Variants in IGSF11 observed in about 807,000 individuals in gnomAD.
IGSF11 encodes CXADR like 1.
IGSF11 carries 22 observed loss-of-function variants against 41.0 expected under a neutral mutation model. The ratio of observed to expected loss-of-function variants is 0.54; its 90% CI spans 0.38 to 0.77. The LOEUF is 0.77. Ranked by LOEUF, IGSF11 falls within the 30% of genes least tolerant of loss-of-function variation. The pLI is 0.00. For missense variants in IGSF11, 444 were observed against 530.8 expected, an observed-to-expected ratio of 0.84 and a Z score of 1.61; for synonymous variants, 219 against 201.3, an observed-to-expected ratio of 1.09 and a Z score of -0.74.
rs544130570 is a variant in IGSF11 at position 119,060,732 on chromosome 3, C to T, written c.49+44412G>A. Among the ~76,000 whole-genome samples, 5 of 152,282 alleles carry T rather than the reference C, an allele frequency of 3.3e-5. No homozygotes were observed. In the South Asian group the frequency reaches 1.0e-3, roughly 32 times the overall value. Reference sequence around the variant, plus strand: ...GTCTCTATGGCCAGTGTTCTTTCCACTATATGCAGATACCTCCATTTGAAT... The same window carrying T: ...GTCTCTATGGCCAGTGTTCTTTCCATTATATGCAGATACCTCCATTTGAAT... On this transcript the variant is annotated intron_variant, in intron 1 of 6. Transcript: ENST00000354673.
At position 119,003,987 on chromosome 3, in the gene IGSF11, T is replaced by C. The variant is rs550395700; in HGVS notation, c.52+30544A>G. Among the ~76,000 whole-genome samples, 27 of 152,104 alleles carry C rather than the reference T, an allele frequency of 1.8e-4. No individual in the cohort carries two copies. The South Asian group carries it at 3.7e-3, about 21-fold the overall frequency. On this transcript the variant is annotated intron_variant, in intron 1 of 6. Transcript: ENST00000393775. The stretch of plus-strand genomic sequence containing the variant: ...ATGATGTTGGCCTCATAAAATGAGT[T>C]AGGGAGGATTCCCTCTTTTTTTATT...
In IGSF11 at chr3:119,097,542, G is replaced by A. The variant is rs377510622; in HGVS notation, c.49+7602C>T. 3.4e-4 allele frequency among the ~76,000 whole-genome samples: 52 copies of A among 152,048 alleles called. No homozygotes were observed. In the East Asian group the frequency reaches 3.5e-3, roughly 10 times the overall value. On this transcript the variant is annotated intron_variant, in intron 1 of 6. Coordinates refer to the IGSF11 transcript ENST00000354673. Reference sequence around the variant, plus strand: ...CCAAACCTGGCCTTCCTGAGGTGGCGAGGTAGAGAGAGAGAGCCTGCTAAC... The same window carrying A: ...CCAAACCTGGCCTTCCTGAGGTGGCAAGGTAGAGAGAGAGAGCCTGCTAAC...
chr3:119,065,758 A>C lies in IGSF11; in HGVS notation c.49+39386T>G, dbSNP rs556570309. Reference sequence around the variant, plus strand: ...CAGTGAGCCAACATCGCACCACTGCACTCCAGCCTGGGTGACACAGTGAGA... The same window carrying C: ...CAGTGAGCCAACATCGCACCACTGCCCTCCAGCCTGGGTGACACAGTGAGA... On this transcript the variant is annotated intron_variant, in intron 1 of 6. Transcript: ENST00000354673. Among the ~76,000 whole-genome samples, 8 of 139,624 alleles carry C rather than the reference A, an allele frequency of 5.7e-5. No individual in the cohort carries two copies. In the South Asian group the frequency reaches 1.8e-3, roughly 32 times the overall value. 91.6% of individuals were successfully genotyped at this position (139,624 alleles called of 152,430 possible).
chr3:119,028,478 G>A (rs1347775075), intron 1 of IGSF11, among the ~76,000 whole-genome samples: 1 of 152,074 alleles, frequency 6.6e-6, no homozygotes, highest in Non-Finnish European at 1.5e-5. Flanking sequence ...TAACATACAG[G>A]TCCCTCAGGA....
intron 1 of IGSF11, among the ~76,000 whole-genome samples, chr3:118,964,948 T>A (rs1253009961): frequency 2.0e-5 from 3 of 152,148 alleles, no homozygotes. Context: ...TTCATAATTG[T>A]CTTTAAATTT....
At chr3:118,913,658 T>C (rs1046511843) in intron 4 of IGSF11, among the ~76,000 whole-genome samples, 2 of 152,170 alleles carry the variant, frequency 1.3e-5, no homozygotes, top group African/African-American at 4.8e-5. Flanking sequence ...GAAGGGTGTG[T>C]GTACTTTACT....
At chr3:119,029,572 G>A (rs1277306098) in intron 1 of IGSF11, among the ~76,000 whole-genome samples, 1 of 152,176 alleles carries the variant, frequency 6.6e-6, no homozygotes, top group African/African-American at 2.4e-5. Context: ...GCAGAGGAAC[G>A]TAACATCTTC....
intron 1 of IGSF11, among the ~76,000 whole-genome samples, chr3:118,977,290 C>T (rs78112934): frequency 0.018 from 2,781 of 152,186 alleles, 32 homozygotes; most frequent in Admixed American, 0.028. Context: ...TTTCTGTTGC[C>T]CTCAGACAGG....
chr3:119,045,190 C>T lies in IGSF11; in HGVS notation c.49+59954G>A, dbSNP rs111841747. Among the ~76,000 whole-genome samples the T allele has an allele frequency of 8.7e-3, 1,328 of 152,332 alleles. 26 individuals are homozygous for T. Among genetic ancestry groups the T allele is most frequent in the African/African-American group, 0.03 (1,248 of 41,580 alleles). ...TCCGGTCTACAGCTCCCAGCGTGAG[C>T]GACACAGAATATGGGTGATTTCTGC... On this transcript the variant is annotated intron_variant, in intron 1 of 6. Transcript: ENST00000354673.
At chr3:118,995,899 C>T (rs1210763917) in intron 1 of IGSF11, among the ~76,000 whole-genome samples, 5 of 152,148 alleles carry the variant, frequency 3.3e-5, no homozygotes, top group Non-Finnish European at 7.4e-5. Context: ...CCGCCCGCCT[C>T]GGCCTCCCAA....
intron 1 of IGSF11, among the ~76,000 whole-genome samples, chr3:118,933,723 G>A (rs1433055585): frequency 3.3e-5 from 5 of 152,058 alleles, no homozygotes; most frequent in African/African-American, 1.2e-4. Context: ...CATTCCATAT[G>A]TGTTTGCTGT....
At chr3:119,081,720 T>C (rs1419701652) in intron 1 of IGSF11, among the ~76,000 whole-genome samples, 1 of 152,214 alleles carries the variant, frequency 6.6e-6, no homozygotes, top group African/African-American at 2.4e-5. Flanking sequence ...CCTTTCAGTT[T>C]TATGATGCTG....
chr3:119,102,409 T>A (rs1353818492), intron 1 of IGSF11, among the ~76,000 whole-genome samples: 1 of 152,218 alleles, frequency 6.6e-6, no homozygotes, highest in East Asian at 1.9e-4. Context: ...CAGTCTGAAT[T>A]TTTTTTCTTA....
At chr3:119,116,853 C>T (rs2077262514) in intron 1 of IGSF11, among the ~76,000 whole-genome samples, 1 of 152,112 alleles carries the variant, frequency 6.6e-6, no homozygotes, top group Non-Finnish European at 1.5e-5. Flanking sequence ...ATGGCTCTAC[C>T]TGAACCGACA....
intron 1 of IGSF11, among the ~76,000 whole-genome samples, chr3:118,955,219 T>TAC (rs34044399): frequency 0.053 from 7,709 of 144,396 alleles, 182 homozygotes; most frequent in Non-Finnish European, 0.057. Flanking sequence ...TATATGTACA[T>TAC]ACACACACAC....
chr3:118,912,937 T>C (rs1576341163), intron 4 of IGSF11, among the ~76,000 whole-genome samples: 3 of 151,916 alleles, frequency 2.0e-5, no homozygotes, highest in Non-Finnish European at 2.9e-5. Flanking sequence ...GAGTTTGAAG[T>C]TGCAGTGAGC....
chr3:119,016,639 T>C (rs1938718829), intron 1 of IGSF11, among the ~76,000 whole-genome samples: 1 of 152,134 alleles, frequency 6.6e-6, no homozygotes, highest in Non-Finnish European at 1.5e-5. Flanking sequence ...GACATATCAT[T>C]AGGGGCAGTT....
chr3:118,988,452 G>A (rs1050679625), intron 1 of IGSF11, among the ~76,000 whole-genome samples: 2 of 152,156 alleles, frequency 1.3e-5, no homozygotes, highest in Non-Finnish European at 2.9e-5. Context: ...GGTTTCCAGC[G>A]CTTTCCACCA....
At chr3:119,141,663 T>C (rs1016722594) in intron 1 of IGSF11, among the ~76,000 whole-genome samples, 1 of 149,060 alleles carries the variant, frequency 6.7e-6, no homozygotes, top group Admixed American at 6.7e-5. Context: ...TTCTAATATC[T>C]ATATATCTAA....
Sources: gnomAD v4.1 joint callset for allele counts (sites outside exome capture counted in the v4.1 genomes callset) on GRCh38, gnomAD v4.1.1 for gene constraint, MANE v1.5 for transcripts, NCBI Gene and HGNC (gene_info 2026-07-23, HGNC 2026-07-21) for gene names.